Variants in PIK3C2A observed in about 807,000 individuals in gnomAD.
PIK3C2A encodes the protein phosphatidylinositol 4-phosphate 3-kinase C2 domain-containing subunit alpha.
A neutral mutation model predicts 204.5 loss-of-function variants in PIK3C2A; 97 were observed. The observed-to-expected ratio is 0.47, with a 90% confidence interval of 0.40 to 0.56. The LOEUF is 0.56. Ranked by LOEUF, PIK3C2A falls within the 20% of genes least tolerant of loss-of-function variation. The pLI is 0.00. For missense variants in PIK3C2A, 1,735 were observed against 1,969.2 expected (o/e 0.88, Z 2.25); for synonymous variants, 653 against 664.4 (o/e 0.98, Z 0.26).
rs190160989 is a variant in PIK3C2A at position 17,102,648 on chromosome 11, C to A, written c.3851+14G>T. The A allele has an allele frequency of 1.5e-5, 24 of 1,580,178 alleles. No individual in the cohort carries two copies. The African/African-American group carries it at 3.1e-4, about 21-fold the overall frequency. Reference sequence around the variant, plus strand: ...AAGTGCCTCATTTCTTTGGCAACAGCAATAACATTATACCTTTTGAAGCTG... The same window carrying A: ...AAGTGCCTCATTTCTTTGGCAACAGAAATAACATTATACCTTTTGAAGCTG... On this transcript the variant is annotated intron_variant, in intron 24 of 32. Transcript: ENST00000691414.
chr11:17,112,476 A>G, intron 21 of PIK3C2A, 98 bp downstream of exon 21: 1 of 553,636 alleles, frequency 1.8e-6, no homozygotes, highest in Non-Finnish European at 3.2e-6. Context: ...AAATAATAAA[A>G]AAAATATTAA....
chr11:17,195,031 T>C (rs2137564086), intron 1 of PIK3C2A, among the ~76,000 whole-genome samples: 1 of 152,308 alleles, frequency 6.6e-6, no homozygotes, highest in East Asian at 1.9e-4. Context: ...CATTTCCAAG[T>C]TGAGGGTATG....
intron 1 of PIK3C2A, 83 bp from the exon 2 acceptor site, chr11:17,169,889 G>A: frequency 1.0e-5 from 6 of 587,812 alleles, no homozygotes; most frequent in South Asian, 7.4e-5. Flanking sequence ...ATATGACTTT[G>A]GACTTTAAGC....
chr11:17,137,652 G>A (rs537811725), intron 8 of PIK3C2A, among the ~76,000 whole-genome samples: 28 of 151,726 alleles, frequency 1.8e-4, no homozygotes, highest in Non-Finnish European at 3.7e-4. Context: ...CAGATGATCC[G>A]CCCGCCTCAG....
In PIK3C2A at chr11:17,204,025, G is replaced by C. The variant is rs113984075; in HGVS notation, c.-66+3823C>G. ...GGAGGCGGAGCTTGCAGTGAGCGGA[G>C]ATCACGCCACTGCACTCCAGCCTTG... On this transcript the variant is annotated intron_variant, in intron 1 of 32. Coordinates refer to ENST00000691414, the MANE Select transcript of PIK3C2A (RefSeq NM_002645.4). Among the ~76,000 whole-genome samples, 995 of 151,576 alleles carry C rather than the reference G, an allele frequency of 6.6e-3. 8 individuals carry two copies. Among genetic ancestry groups the C allele is most frequent in the African/African-American group, 0.021 (876 of 41,302 alleles).
chr11:17,105,109 T>G (rs1395154738), intron 23 of PIK3C2A, 60 bp downstream of exon 23: 1 of 1,380,582 alleles, frequency 7.2e-7, no homozygotes, highest in African/African-American at 1.4e-5. Context: ...TGAAAGAACT[T>G]AAAACCTCTG....
intron 2 of PIK3C2A, among the ~76,000 whole-genome samples, chr11:17,161,785 T>C (rs1367489190): frequency 6.6e-6 from 1 of 152,156 alleles, no homozygotes; most frequent in Non-Finnish European, 1.5e-5. Context: ...TGTGAAGTAA[T>C]TATAAAGAAT....
At chr11:17,195,147 GC>G (rs1274575987) in intron 1 of PIK3C2A, among the ~76,000 whole-genome samples, 2 of 152,052 alleles carry the variant, frequency 1.3e-5, no homozygotes, top group East Asian at 3.9e-4. Context: ...GGGTGTGGTG[GC>G]TCATACTCAT....
intron 27 of PIK3C2A, among the ~76,000 whole-genome samples, chr11:17,094,866 G>A (rs1449484705): frequency 6.6e-6 from 1 of 152,148 alleles, no homozygotes; most frequent in Non-Finnish European, 1.5e-5. Flanking sequence ...TCACCAATAG[G>A]AAAAAGCAAA....
rs181713280 is a variant in PIK3C2A at position 17,205,158 on chromosome 11, C to T, written c.-66+2690G>A. ...CGCCACTGCACTCCAGCCTGGGTGACGGAGTGAGACTGTCTCAAAAAAGAA... is the reference window on the plus strand; with the variant it reads ...CGCCACTGCACTCCAGCCTGGGTGATGGAGTGAGACTGTCTCAAAAAAGAA... On this transcript the variant is annotated intron_variant, in intron 1 of 32. Coordinates refer to ENST00000691414, the MANE Select transcript of PIK3C2A (RefSeq NM_002645.4). Among the ~76,000 whole-genome samples the T allele has an allele frequency of 1.3e-3, 194 of 151,218 alleles. No homozygotes were observed. The Middle Eastern group carries it at 0.024, about 19-fold the overall frequency.
intron 25 of PIK3C2A, 118 bp from the exon 26 acceptor site, chr11:17,100,087 A>G: frequency 1.7e-6 from 1 of 585,120 alleles, no homozygotes; most frequent in Non-Finnish European, 3.0e-6. Context: ...ATCAGTCTTG[A>G]GGGGTTCATT....
chr11:17,126,002 T>C (rs1460349426), intron 13 of PIK3C2A, among the ~76,000 whole-genome samples: 1 of 151,986 alleles, frequency 6.6e-6, no homozygotes, highest in Non-Finnish European at 1.5e-5. Flanking sequence ...CACACACCTG[T>C]AATCTCAGCT....
At chr11:17,150,791 A>C (rs1415196523) in intron 3 of PIK3C2A, 136 bp from the exon 4 acceptor site, 3 of 463,932 alleles carry the variant, frequency 6.5e-6, no homozygotes, top group Non-Finnish European at 7.4e-6. Flanking sequence ...AACTGCAATG[A>C]ATGAGCTCCT....
chr11:17,135,239 ACT>A, intron 9 of PIK3C2A, 80 bp from the exon 10 acceptor site: 1 of 1,426,832 alleles, frequency 7.0e-7, no homozygotes, highest in African/African-American at 1.4e-5. Context: ...TGTCCAAGAA[ACT>A]CTTTCCAGGG....
At chr11:17,126,113 G>A (rs527421327) in intron 13 of PIK3C2A, among the ~76,000 whole-genome samples, 228 of 152,208 alleles carry the variant, frequency 1.5e-3, no homozygotes, top group Middle Eastern at 6.8e-3. Flanking sequence ...GACAGAGTGA[G>A]ACTCTGTCTC....
chr11:17,180,521 C>CA (rs1251030791), intron 1 of PIK3C2A, among the ~76,000 whole-genome samples: 5 of 131,818 alleles, frequency 3.8e-5, no homozygotes, highest in Middle Eastern at 3.6e-3. Context: ...ACAACAACAA[C>CA]AAAAAACAAA....
chr11:17,181,154 C>T (rs1023576005), intron 1 of PIK3C2A, among the ~76,000 whole-genome samples: 1 of 152,124 alleles, frequency 6.6e-6, no homozygotes, highest in Admixed American at 6.5e-5. Context: ...AACCCAGAAG[C>T]TCTCCAAACC....
Position 17,169,172 on chromosome 11 carries a change from C to T in PIK3C2A, c.570G>A (p.Pro190=), listed in dbSNP as rs754263881. The change falls in exon 2 of 33, where the codon CCG becomes CCA. Residue 190 remains proline, a synonymous_variant. Transcript: ENST00000691414. ...GATATGAGAAATATGGAGATTGTCC[C>T]GGAAGACTTAAATATATAGGTTCTG... ...PSTEPIYLSL[P]GQSPYFSYPL... 6.0e-5 allele frequency: 97 copies of T among 1,613,528 alleles called. No homozygotes were observed. Among genetic ancestry groups the T allele is most frequent in the South Asian group, 1.4e-4 (13 of 91,010 alleles).
rs560150075 is a variant in PIK3C2A, at chr11:17,158,372, A to AATAT, written c.1066-2747_1066-2744dup. On this transcript the variant is annotated intron_variant, in intron 2 of 32. Transcript: ENST00000691414. ...TCAAAAAAAAATAATAATAATAATA[A>AATAT]ATATATATATATATAATTATATATC... is the stretch of plus-strand genomic sequence containing the variant. 7.4e-3 allele frequency among the ~76,000 whole-genome samples: 1,090 copies of AATAT among 147,450 alleles called. 14 individuals are homozygous for AATAT. Among genetic ancestry groups the AATAT allele is most frequent in the African/African-American group, 0.025 (1,005 of 40,504 alleles).
Sources: allele counts gnomAD v4.1 joint callset (sites outside exome capture counted in the v4.1 genomes callset), GRCh38; gene constraint gnomAD v4.1.1; transcripts MANE v1.5; gene names NCBI Gene and HGNC (gene_info 2026-07-23, HGNC 2026-07-21).